The following PTPRK variants were observed in gnomAD, a reference collection of about 807,000 sequenced individuals.
PTPRK encodes the protein protein tyrosine phosphatase receptor type K.
PTPRK carries 75 observed loss-of-function variants against 178.0 expected under a neutral mutation model. That is an observed-to-expected ratio of 0.42 (90% CI 0.35 to 0.51). The LOEUF (loss-of-function observed/expected upper bound fraction) is 0.51. Ranked by LOEUF, PTPRK falls within the 20% of genes least tolerant of loss-of-function variation. The pLI, the probability that PTPRK is intolerant of heterozygous loss-of-function variation, is 0.02. For synonymous variants in PTPRK, 637 were observed against 620.6 expected, an observed-to-expected ratio of 1.03 and a Z score of -0.39; for missense variants, 1,441 against 1,797.8, an observed-to-expected ratio of 0.80 and a Z score of 3.59.
intron 2 of PTPRK, among the ~76,000 whole-genome samples, chr6:128,328,333 C>A (rs769812906): frequency 5.3e-5 from 8 of 152,146 alleles, no homozygotes; most frequent in Non-Finnish European, 7.4e-5. Flanking sequence ...CTAACAAGGG[C>A]TTTGCATACA....
At chr6:128,143,425 A>T (rs1796059889) in intron 7 of PTPRK, among the ~76,000 whole-genome samples, 1 of 152,198 alleles carries the variant, frequency 6.6e-6, no homozygotes, top group Admixed American at 6.6e-5. Context: ...AACTAATTTC[A>T]TCTAAAACAT....
At chr6:128,217,519 T>C (rs962498613) in intron 6 of PTPRK, among the ~76,000 whole-genome samples, 4 of 152,194 alleles carry the variant, frequency 2.6e-5, no homozygotes, top group African/African-American at 9.7e-5. Context: ...TAGATTTAAT[T>C]TGCTCTGGGT....
rs10552787 is a variant in PTPRK at position 128,169,783 on chromosome 6, ATGTGTGTGTGTG to A, written c.1162+14637_1162+14648del. Among the ~76,000 whole-genome samples the A allele has an allele frequency of 2.4e-3, 356 of 145,532 alleles. 1 individual carries two copies. The highest frequency in any genetic ancestry group is 8.5e-3 in the African/African-American group (333 of 39,116). On this transcript the variant is annotated intron_variant, in intron 7 of 29. Transcript: ENST00000368226. ...CCCACTTAAATATGTTATTTTTTTA[ATGTGTGTGTGTG>A]TGTGTGTGTGTGTGTGTGTGTGTGT...
chr6:128,278,763 G>A (rs568001625), intron 3 of PTPRK, among the ~76,000 whole-genome samples: 106 of 152,082 alleles, frequency 7.0e-4, no homozygotes, highest in African/African-American at 2.4e-3. Flanking sequence ...AAAAAACATC[G>A]AATGCACTGT....
chr6:128,002,968 A>G (rs1398043556), intron 15 of PTPRK, among the ~76,000 whole-genome samples: 1 of 151,900 alleles, frequency 6.6e-6, no homozygotes, highest in East Asian at 1.9e-4. Flanking sequence ...TTTTGCTCCA[A>G]ATCTAACAAC....
At chr6:128,045,167 G>C (rs1359697842) in intron 13 of PTPRK, among the ~76,000 whole-genome samples, 1 of 151,872 alleles carries the variant, frequency 6.6e-6, no homozygotes, top group East Asian at 1.9e-4. Flanking sequence ...TATCTCTTTA[G>C]TAGAATACTT....
At chr6:127,974,339 T>A (rs149872602) in intron 27 of PTPRK, among the ~76,000 whole-genome samples, 128 of 152,366 alleles carry the variant, frequency 8.4e-4, no homozygotes, top group Middle Eastern at 3.4e-3. Context: ...GTGATCTGGC[T>A]CCACCCCCTT....
chr6:128,342,934 T>C (rs142444888), intron 2 of PTPRK, among the ~76,000 whole-genome samples: 1 of 151,546 alleles, frequency 6.6e-6, no homozygotes, highest in African/African-American at 2.4e-5. Context: ...AAAAAAACAA[T>C]TAAAAAATTA....
At chr6:128,056,770 A>G (rs961573235) in intron 13 of PTPRK, among the ~76,000 whole-genome samples, 6 of 152,178 alleles carry the variant, frequency 3.9e-5, no homozygotes, top group African/African-American at 1.4e-4. Context: ...CTCAAGTAAG[A>G]GTTTGAAAAC....
intron 13 of PTPRK, among the ~76,000 whole-genome samples, chr6:128,012,746 A>T (rs1394297726): frequency 6.6e-6 from 1 of 151,442 alleles, no homozygotes; most frequent in Non-Finnish European, 1.5e-5. Context: ...AAATTTACCT[A>T]AAAAATTAAA....
chr6:128,077,849 T>C (rs1432771339), intron 11 of PTPRK, among the ~76,000 whole-genome samples: 1 of 152,014 alleles, frequency 6.6e-6, no homozygotes, highest in Non-Finnish European at 1.5e-5. Flanking sequence ...AAGATGGGGA[T>C]GTTAGATAAT....
At chr6:128,377,619 T>C (rs1441903681) in intron 2 of PTPRK, among the ~76,000 whole-genome samples, 2 of 151,974 alleles carry the variant, frequency 1.3e-5, no homozygotes, top group Non-Finnish European at 2.9e-5. Context: ...CATAGTACTT[T>C]GATTTGTATT....
At chr6:128,233,004 T>C (rs116657145) in intron 5 of PTPRK, among the ~76,000 whole-genome samples, 1,848 of 152,358 alleles carry the variant, frequency 0.012, 35 homozygotes, top group African/African-American at 0.042. Flanking sequence ...AAGAATTGCC[T>C]ACTGTAAACT....
In PTPRK at chr6:128,089,274, G is replaced by A. The variant is rs996302655; in HGVS notation, c.1465+416C>T. 3.3e-5 allele frequency among the ~76,000 whole-genome samples: 5 copies of A among 151,996 alleles called. No individual in the cohort carries two copies. The East Asian group carries it at 7.7e-4, about 23-fold the overall frequency. ...CCACTACACCCGGCCCAACAGTGTTGTTTTCAAATGTGAGAAAAATAAAAA... is the reference window on the plus strand; with the variant it reads ...CCACTACACCCGGCCCAACAGTGTTATTTTCAAATGTGAGAAAAATAAAAA... On this transcript the variant is annotated intron_variant, in intron 8 of 29. Coordinates refer to ENST00000368226, the MANE Select transcript of PTPRK (RefSeq NM_002844.4).
chr6:128,309,979 C>T (rs1243774040), intron 3 of PTPRK, among the ~76,000 whole-genome samples: 2 of 151,894 alleles, frequency 1.3e-5, no homozygotes, highest in Non-Finnish European at 2.9e-5. Context: ...AAAAAAAATG[C>T]CATCCACTTA....
At chr6:128,334,043 G>T (rs535757237) in intron 2 of PTPRK, among the ~76,000 whole-genome samples, 105 of 152,248 alleles carry the variant, frequency 6.9e-4, no homozygotes, top group African/African-American at 2.4e-3. Context: ...CCAGTAGGTG[G>T]AACAGTCAGA....
intron 3 of PTPRK, among the ~76,000 whole-genome samples, chr6:128,314,554 C>T (rs1374210132): frequency 6.6e-6 from 1 of 152,174 alleles, no homozygotes; most frequent in African/African-American, 2.4e-5. Flanking sequence ...TCAATTCTGT[C>T]TCTTTTCTAC....
intron 13 of PTPRK, among the ~76,000 whole-genome samples, chr6:128,060,923 C>T (rs1165676687): frequency 6.6e-6 from 1 of 152,066 alleles, no homozygotes; most frequent in African/African-American, 2.4e-5. Flanking sequence ...TTCATAATTG[C>T]AGACAGTACT....
At chr6:128,286,218 T>C (rs974366395) in intron 3 of PTPRK, among the ~76,000 whole-genome samples, 1 of 152,200 alleles carries the variant, frequency 6.6e-6, no homozygotes, top group Admixed American at 6.5e-5. Flanking sequence ...TTGTTTTCTT[T>C]ACATTTACTC....
Sources: gnomAD v4.1 joint callset for allele counts (sites outside exome capture counted in the v4.1 genomes callset) on GRCh38, gnomAD v4.1.1 for gene constraint, MANE v1.5 for transcripts, NCBI Gene and HGNC (gene_info 2026-07-23, HGNC 2026-07-21) for gene names.